Variants in RAB3C observed in about 807,000 individuals in gnomAD.
RAB3C encodes ras-related protein Rab-3C.
A neutral mutation model predicts 26.4 loss-of-function variants in RAB3C; 17 were observed. The observed-to-expected ratio is 0.64, with a 90% CI of 0.44 to 0.97. The LOEUF (loss-of-function observed/expected upper bound fraction) is 0.97, where lower values mean the gene tolerates loss of function less well. Among genes scored for constraint, RAB3C ranks in the 50% least tolerant of loss-of-function variants. RAB3C has a pLI of 0.00. For synonymous variants in RAB3C, 91 were observed against 95.9 expected, an observed-to-expected ratio of 0.95 and a Z score of 0.30; for missense variants, 242 against 281.9, an observed-to-expected ratio of 0.86 and a Z score of 1.01.
intron 3 of RAB3C, among the ~76,000 whole-genome samples, chr5:58,747,895 T>C (rs4700305): frequency 0.18 from 26,676 of 151,934 alleles, 2,484 homozygotes; most frequent in East Asian, 0.3. Context: ...CCCAATCCCC[T>C]TCCTTATTAA....
chr5:58,725,982 ATT>A lies in RAB3C; in HGVS notation c.253-11_253-10del. On this transcript the variant is annotated intron_variant, in intron 2 of 4. Transcript: ENST00000282878. ...ATTGCCTTATTTCTGAGAGATTATC[ATT>A]TTTTTTTTATTCTTTAGGACACAGC... 1.6e-5 allele frequency: 20 copies of A among 1,256,940 alleles called. No individual in the cohort carries two copies. The highest frequency in any genetic ancestry group is 5.2e-5 in the East Asian group (2 of 38,428). The allele number at this position is 1,256,940 out of a possible 1,614,324, so 77.9% of individuals were successfully genotyped here. A position where few individuals can be genotyped will look rare whatever the true frequency, so the allele number is the denominator to read the frequency against.
intron 4 of RAB3C, among the ~76,000 whole-genome samples, chr5:58,826,477 T>G (rs1561143754): frequency 6.6e-6 from 1 of 152,134 alleles, no homozygotes; most frequent in Admixed American, 6.5e-5. Context: ...TTGGAATTCT[T>G]TTTGTTTTTT....
intron 2 of RAB3C, among the ~76,000 whole-genome samples, chr5:58,635,157 A>G (rs1747263617): frequency 6.6e-6 from 1 of 152,224 alleles, no homozygotes; most frequent in Non-Finnish European, 1.5e-5. Context: ...GTCCAGAGTC[A>G]CAACACTGGA....
chr5:58,851,008 G>C (rs370538797), intron 4 of RAB3C, among the ~76,000 whole-genome samples, 156 bp from the exon 5 acceptor site: 20 of 152,244 alleles, frequency 1.3e-4, no homozygotes, highest in African/African-American at 4.8e-4. Flanking sequence ...TTGCTTAAAT[G>C]GTACCTCATG....
At chr5:58,711,353 A>G (rs1749059049) in intron 2 of RAB3C, among the ~76,000 whole-genome samples, 1 of 152,138 alleles carries the variant, frequency 6.6e-6, no homozygotes, top group Non-Finnish European at 1.5e-5. Context: ...TGCTGCCTCT[A>G]GCATATTACA....
At chr5:58,707,132 G>T (rs979344885) in intron 2 of RAB3C, among the ~76,000 whole-genome samples, 1 of 152,166 alleles carries the variant, frequency 6.6e-6, no homozygotes, top group African/African-American at 2.4e-5. Flanking sequence ...CTGGAAAAAA[G>T]ATGATATTTG....
chr5:58,818,060 T>C (rs1328846379), intron 3 of RAB3C, among the ~76,000 whole-genome samples: 2 of 152,224 alleles, frequency 1.3e-5, no homozygotes, highest in African/African-American at 4.8e-5. Flanking sequence ...TGATACCTCA[T>C]ATTCCCACAT....
chr5:58,702,109 A>G (rs1327041855), intron 2 of RAB3C, among the ~76,000 whole-genome samples: 1 of 152,188 alleles, frequency 6.6e-6, no homozygotes, highest in Non-Finnish European at 1.5e-5. Context: ...ACCTACAATT[A>G]AAAATATATA....
At chr5:58,805,393 T>C (rs1742913700) in intron 3 of RAB3C, among the ~76,000 whole-genome samples, 1 of 151,982 alleles carries the variant, frequency 6.6e-6, no homozygotes, top group Non-Finnish European at 1.5e-5. Context: ...AGAACCAGCC[T>C]GGCCAACATG....
intron 2 of RAB3C, among the ~76,000 whole-genome samples, chr5:58,649,306 A>T (rs1747593119): frequency 6.6e-6 from 1 of 151,968 alleles, no homozygotes; most frequent in African/African-American, 2.4e-5. Flanking sequence ...TTCAGTACTG[A>T]TTATTAAATA....
intron 2 of RAB3C, among the ~76,000 whole-genome samples, chr5:58,687,015 G>A (rs1748458306): frequency 2.6e-5 from 4 of 152,018 alleles, no homozygotes; most frequent in Admixed American, 2.6e-4. Context: ...ATTTCACTCG[G>A]TGACCTAGAG....
At chr5:58,587,551 T>C (rs1482467078) in intron 1 of RAB3C, among the ~76,000 whole-genome samples, 1 of 152,176 alleles carries the variant, frequency 6.6e-6, no homozygotes, top group Non-Finnish European at 1.5e-5. Flanking sequence ...GCATTTTTCG[T>C]TCATTAGTTT....
intron 3 of RAB3C, among the ~76,000 whole-genome samples, chr5:58,777,993 G>T (rs1742187234): frequency 6.6e-6 from 1 of 151,982 alleles, no homozygotes; most frequent in South Asian, 2.1e-4. Flanking sequence ...GACCAGATTT[G>T]TAATCCCTGA....
intron 2 of RAB3C, among the ~76,000 whole-genome samples, chr5:58,661,223 T>A (rs1262005740): frequency 6.6e-6 from 1 of 150,394 alleles, no homozygotes; most frequent in Non-Finnish European, 1.5e-5. Context: ...ATTAGAATTT[T>A]GTGACCTACT....
intron 3 of RAB3C, among the ~76,000 whole-genome samples, chr5:58,764,494 G>T (rs1741858108): frequency 1.3e-5 from 2 of 152,110 alleles, no homozygotes; most frequent in African/African-American, 2.4e-5. Flanking sequence ...GACTCACTGA[G>T]AGACACTTCA....
intron 3 of RAB3C, among the ~76,000 whole-genome samples, chr5:58,761,460 G>A (rs1212688402): frequency 6.6e-6 from 1 of 152,020 alleles, no homozygotes; most frequent in Non-Finnish European, 1.5e-5. Context: ...TATGTTACTG[G>A]TTCTGAAAAA....
chr5:58,630,443 CAAT>C (rs1482905317), intron 2 of RAB3C, among the ~76,000 whole-genome samples: 8 of 152,044 alleles, frequency 5.3e-5, no homozygotes, highest in East Asian at 1.9e-4. Context: ...TTTAAAATAA[CAAT>C]AAACCCATTG....
At chr5:58,837,344 G>T (rs533276329) in intron 4 of RAB3C, among the ~76,000 whole-genome samples, 5 of 151,928 alleles carry the variant, frequency 3.3e-5, no homozygotes, top group African/African-American at 4.8e-5. Flanking sequence ...ATCACTCCTG[G>T]CTAATTTTTA....
intron 2 of RAB3C, among the ~76,000 whole-genome samples, chr5:58,676,329 C>A (rs1748224715): frequency 6.6e-6 from 1 of 151,950 alleles, no homozygotes; most frequent in South Asian, 2.1e-4. Flanking sequence ...TTGGTGAAAC[C>A]CTGTCTCTAC....
Sources: gnomAD v4.1 joint callset for allele counts (sites outside exome capture counted in the v4.1 genomes callset) on GRCh38, gnomAD v4.1.1 for gene constraint, MANE v1.5 for transcripts, NCBI Gene and HGNC (gene_info 2026-07-23, HGNC 2026-07-21) for gene names.